Variants in COMMD1 observed in about 807,000 individuals in gnomAD.
COMMD1 encodes the protein COMM domain-containing protein 1.
COMMD1 carries 10 observed loss-of-function variants against 17.2 expected under a neutral mutation model. That is an observed-to-expected ratio of 0.58 (90% CI 0.36 to 0.99). The LOEUF (loss-of-function observed/expected upper bound fraction) is 0.99, where lower values mean the gene tolerates loss of function less well. Ranked by LOEUF, COMMD1 falls within the 50% of genes least tolerant of loss-of-function variation. The pLI, the probability that COMMD1 is intolerant of heterozygous loss-of-function variation, is 0.01. For missense variants in COMMD1, 270 were observed against 231.8 expected (o/e 1.17, Z -1.07); for synonymous variants, 97 against 91.6 (o/e 1.06, Z -0.34).
At chr2:62,118,086 C>A (rs1187190118) in intron 2 of COMMD1, 2 of 152,158 alleles carry the variant, frequency 1.3e-5, no homozygotes, top group Admixed American at 6.5e-5. Context: ...TTCTTTTCCT[C>A]CCTAACTTAG....
chr2:61,976,500 A>G (rs777360317), intron 1 of COMMD1, among the ~76,000 whole-genome samples: 3 of 152,220 alleles, frequency 2.0e-5, no homozygotes, highest in South Asian at 4.1e-4. Context: ...AACAATAAGC[A>G]TCAAAATATC....
intron 1 of COMMD1, among the ~76,000 whole-genome samples, chr2:61,935,912 G>T (rs1247052643): frequency 1.3e-5 from 2 of 151,960 alleles, no homozygotes; most frequent in Non-Finnish European, 2.9e-5. Flanking sequence ...CTCCTCCAGG[G>T]TTCAAGCGAT....
intron 1 of COMMD1, among the ~76,000 whole-genome samples, chr2:61,929,702 C>T (rs1034191969): frequency 4.1e-4 from 63 of 152,292 alleles, no homozygotes; most frequent in African/African-American, 1.5e-3. Flanking sequence ...GAGCCCAAGG[C>T]AGGAGGATCA....
intron 1 of COMMD1, among the ~76,000 whole-genome samples, chr2:61,958,724 T>C (rs1671262485): frequency 6.6e-6 from 1 of 152,226 alleles, no homozygotes; most frequent in South Asian, 2.1e-4. Context: ...TTTGGTTTTA[T>C]AAATTTATAT....
chr2:62,022,479 C>T (rs1669637601), intron 2 of COMMD1, among the ~76,000 whole-genome samples: 1 of 141,192 alleles, frequency 7.1e-6, no homozygotes, highest in Non-Finnish European at 1.5e-5. Flanking sequence ...TTACATGAAG[C>T]CGAGGCCAGT....
At chr2:61,959,212 T>C (rs1309302997) in intron 1 of COMMD1, among the ~76,000 whole-genome samples, 1 of 152,194 alleles carries the variant, frequency 6.6e-6, no homozygotes, top group Admixed American at 6.5e-5. Context: ...ATCATTTGCG[T>C]ATGTATGCAT....
At chr2:62,099,777 C>T (rs2104017175) in intron 2 of COMMD1, among the ~76,000 whole-genome samples, 1 of 152,188 alleles carries the variant, frequency 6.6e-6, no homozygotes. Flanking sequence ...TATGCGTTTC[C>T]TGGACAAGCC....
At chr2:62,003,398 G>A (rs1237671597) in intron 2 of COMMD1, among the ~76,000 whole-genome samples, 5 of 151,814 alleles carry the variant, frequency 3.3e-5, no homozygotes, top group Non-Finnish European at 2.9e-5. Flanking sequence ...AAAATTAGCC[G>A]GGCGTGGTGG....
At chr2:61,962,931 C>T (rs1483344883) in intron 1 of COMMD1, among the ~76,000 whole-genome samples, 1 of 152,072 alleles carries the variant, frequency 6.6e-6, no homozygotes, top group African/African-American at 2.4e-5. Context: ...GAGGCCAAGG[C>T]AGGTGGATTA....
At chr2:62,016,592 G>T (rs1415354995) in intron 2 of COMMD1, among the ~76,000 whole-genome samples, 1 of 150,294 alleles carries the variant, frequency 6.7e-6, no homozygotes, top group Non-Finnish European at 1.5e-5. Context: ...AGTTGTAGGA[G>T]TTTTTTTAAA....
intron 2 of COMMD1, among the ~76,000 whole-genome samples, chr2:62,064,520 C>G (rs2103947482): frequency 6.6e-6 from 1 of 152,228 alleles, no homozygotes; most frequent in East Asian, 1.9e-4. Flanking sequence ...TGATTGAGAG[C>G]TCATGTGATC....
intron 2 of COMMD1, among the ~76,000 whole-genome samples, chr2:62,041,325 A>C (rs1367878123): frequency 6.6e-6 from 1 of 151,810 alleles, no homozygotes; most frequent in Non-Finnish European, 1.5e-5. Flanking sequence ...TTTTTCGCTC[A>C]ATAAATTACA....
chr2:62,064,209 C>T (rs1416896191), intron 2 of COMMD1, among the ~76,000 whole-genome samples: 1 of 151,898 alleles, frequency 6.6e-6, no homozygotes, highest in Admixed American at 6.6e-5. Flanking sequence ...GAGTTTCACT[C>T]TGTCGCCAGG....
chr2:62,115,190 ACAGCTAGAAGGTGGTGGAGT>A (rs1672557229), intron 2 of COMMD1, among the ~76,000 whole-genome samples: 1 of 152,224 alleles, frequency 6.6e-6, no homozygotes, highest in Non-Finnish European at 1.5e-5. Flanking sequence ...AGCCAACCAC[ACAGCTAGAAGGTGGTGGAGT>A]CTTTATTTAG....
chr2:62,016,427 C>G (rs1197635749), intron 2 of COMMD1, among the ~76,000 whole-genome samples: 3 of 150,186 alleles, frequency 2.0e-5, no homozygotes, highest in Non-Finnish European at 4.4e-5. Context: ...CCAGGCTGGT[C>G]TTGAACTCCT....
chr2:61,968,348 G>A (rs891017895), intron 1 of COMMD1, among the ~76,000 whole-genome samples: 1 of 152,054 alleles, frequency 6.6e-6, no homozygotes, highest in Non-Finnish European at 1.5e-5. Flanking sequence ...AATTACTTGG[G>A]GGCACATGCA....
chr2:61,920,505 A>G (rs1196415605), intron 1 of COMMD1, among the ~76,000 whole-genome samples: 1 of 152,080 alleles, frequency 6.6e-6, no homozygotes, highest in Non-Finnish European at 1.5e-5. Flanking sequence ...AAAAAAGGCT[A>G]AATTCTTTCC....
chr2:62,124,491 A>C (rs955731395), intron 2 of COMMD1, among the ~76,000 whole-genome samples: 15 of 152,184 alleles, frequency 9.9e-5, no homozygotes, highest in Non-Finnish European at 1.6e-4. Flanking sequence ...GGACCTGGAT[A>C]ATCTCTGAAT....
intron 1 of COMMD1, among the ~76,000 whole-genome samples, chr2:61,942,986 C>T (rs571237673): frequency 7.2e-5 from 11 of 152,162 alleles, no homozygotes; most frequent in Non-Finnish European, 8.8e-5. Flanking sequence ...AGAACTCTAG[C>T]CATGAGATAT....
Sources: allele counts gnomAD v4.1 joint callset (sites outside exome capture counted in the v4.1 genomes callset), GRCh38; gene constraint gnomAD v4.1.1; transcripts MANE v1.5; gene names NCBI Gene and HGNC (gene_info 2026-07-23, HGNC 2026-07-21).